The following SLC2A9 variants were observed in gnomAD, a reference collection of about 807,000 sequenced individuals.
SLC2A9 encodes solute carrier family 2 member 9, also known as solute carrier family 2, facilitated glucose transporter member 9.
SLC2A9 carries 39 observed loss-of-function variants against 50.6 expected under a neutral mutation model. The observed-to-expected ratio is 0.77, with a 90% CI of 0.60 to 1.01. The LOEUF is 1.01. SLC2A9 is among the 50% of genes least tolerant of loss of function. SLC2A9 has a pLI of 0.00. For missense variants in SLC2A9, 686 were observed against 677.6 expected (o/e 1.01, Z -0.14); for synonymous variants, 324 against 276.9 (o/e 1.17, Z -1.69).
At chr4:9,771,067 T>C (rs1406176164), downstream of SLC2A9, 1 of 155,714 alleles carries the variant, frequency 6.4e-6, no homozygotes, top group Non-Finnish European at 1.4e-5. Context: ...CAAGGAGCTC[T>C]GAGTCCTTTT....
At chr4:9,952,118 C>T (rs1750401064) in intron 5 of SLC2A9, among the ~76,000 whole-genome samples, 1 of 152,246 alleles carries the variant, frequency 6.6e-6, no homozygotes, top group Non-Finnish European at 1.5e-5. Flanking sequence ...CTTCACCCCT[C>T]TACTCCTCAG....
At chr4:9,852,602 C>A (rs1730145275) in intron 10 of SLC2A9, among the ~76,000 whole-genome samples, 1 of 152,174 alleles carries the variant, frequency 6.6e-6, no homozygotes, top group South Asian at 2.1e-4. Context: ...TGTAGCCAGT[C>A]AAACTAAGCT....
At chr4:9,961,274 C>A (rs1305110482) in intron 5 of SLC2A9, among the ~76,000 whole-genome samples, 1 of 152,012 alleles carries the variant, frequency 6.6e-6, no homozygotes, top group Non-Finnish European at 1.5e-5. Flanking sequence ...CAATCCTAAG[C>A]AAAAATAACA....
chr4:9,845,265 G>A lies in SLC2A9; in HGVS notation c.1292-10257C>T, dbSNP rs112593795. ...CCTGACCTCGTGATCCGCCTGCCTC[G>A]GCCCCCCAAAGTGCTGAGATTACAG... On this transcript the variant is annotated intron_variant, in intron 10 of 11. Transcript: ENST00000264784. Among the ~76,000 whole-genome samples, 925 of 151,722 alleles carry A rather than the reference G, an allele frequency of 6.1e-3. 9 individuals carry two copies. The highest frequency in any genetic ancestry group is 0.021 in the African/African-American group (873 of 41,344).
chr4:9,963,452 C>T (rs1386545301), intron 5 of SLC2A9, among the ~76,000 whole-genome samples: 1 of 152,186 alleles, frequency 6.6e-6, no homozygotes, highest in African/African-American at 2.4e-5. Context: ...GCTACAGACC[C>T]CACGGTCAGC....
intron 2 of SLC2A9, among the ~76,000 whole-genome samples, chr4:10,011,125 C>G (rs758716130): frequency 2.0e-5 from 3 of 152,202 alleles, no homozygotes; most frequent in Non-Finnish European, 4.4e-5. Flanking sequence ...GGACTGAAGT[C>G]TGGGCTCCAT....
Position 9,849,007 on chromosome 4 carries a change from T to A in SLC2A9, c.1292-13999A>T, listed in dbSNP as rs143072807. Among the ~76,000 whole-genome samples the A allele has an allele frequency of 7.4e-4, 112 of 152,268 alleles. No individual in the cohort carries two copies. The Middle Eastern group carries it at 0.02, about 28-fold the overall frequency. ...GTGAGCCACCGTGCCTGGCCAGAAA[T>A]TCTTTATGCAGTTGAGGAGATGGAG... On this transcript the variant is annotated intron_variant, in intron 10 of 11. Transcript: ENST00000264784.
chr4:9,833,642 C>A (rs1326667918), intron 11 of SLC2A9, among the ~76,000 whole-genome samples: 4 of 152,298 alleles, frequency 2.6e-5, no homozygotes, highest in South Asian at 2.1e-4. Context: ...TGGAGTGCCG[C>A]AAATACTGAC....
intron 10 of SLC2A9, among the ~76,000 whole-genome samples, chr4:9,840,963 T>C (rs1252327752): frequency 6.6e-6 from 1 of 152,110 alleles, no homozygotes; most frequent in African/African-American, 2.4e-5. Flanking sequence ...AACCATTAGA[T>C]CTTGTGAGAA....
At chr4:9,834,678 G>A (rs1337701539) in intron 11 of SLC2A9, among the ~76,000 whole-genome samples, 2 of 152,300 alleles carry the variant, frequency 1.3e-5, no homozygotes, top group South Asian at 2.1e-4. Context: ...AGAGCCCACA[G>A]CATTTAGGGA....
upstream of SLC2A9, among the ~76,000 whole-genome samples, chr4:10,024,650 G>C (rs969974118): frequency 1.3e-5 from 2 of 152,174 alleles, no homozygotes; most frequent in Admixed American, 6.5e-5. Context: ...CAAACCCACA[G>C]TGTCCTAAGC....
chr4:9,901,159 G>T (rs1258095734), intron 8 of SLC2A9, among the ~76,000 whole-genome samples: 1 of 152,146 alleles, frequency 6.6e-6, no homozygotes, highest in South Asian at 2.1e-4. Context: ...CAGGGGTTTG[G>T]GTTGGGAGCC....
chr4:9,963,629 G>C lies in SLC2A9; in HGVS notation c.681+16963C>G, dbSNP rs1184868885. On this transcript the variant is annotated intron_variant, in intron 5 of 11. Coordinates refer to ENST00000264784, the MANE Select transcript of SLC2A9 (RefSeq NM_020041.3). ...TGATTCTAGTGGCTGGCAGGAGAGA[G>C]GGCCTCTCAAGAGGCCCCTGCTCGC... Among the ~76,000 whole-genome samples the C allele has an allele frequency of 3.3e-5, 5 of 152,280 alleles. No individual in the cohort carries two copies. In the South Asian group the frequency reaches 8.3e-4, roughly 25 times the overall value.
chr4:9,843,653 A>G (rs1281877584), intron 10 of SLC2A9, among the ~76,000 whole-genome samples: 1 of 152,220 alleles, frequency 6.6e-6, no homozygotes, highest in East Asian at 1.9e-4. Context: ...CTGTAAAGCA[A>G]GGACAATGGA....
At chr4:9,795,527 G>A (rs1720490464), downstream of SLC2A9, among the ~76,000 whole-genome samples, 1 of 152,170 alleles carries the variant, frequency 6.6e-6, no homozygotes, top group South Asian at 2.1e-4. Flanking sequence ...AGTCTCATAA[G>A]AGCCCCTGGT....
intron 3 of SLC2A9, among the ~76,000 whole-genome samples, chr4:9,803,853 C>T (rs980946056): frequency 6.6e-6 from 1 of 152,178 alleles, no homozygotes; most frequent in African/African-American, 2.4e-5. Flanking sequence ...TTATTAAATA[C>T]CTCCTATGTG....
intron 10 of SLC2A9, among the ~76,000 whole-genome samples, chr4:9,885,115 A>G (rs1380669397): frequency 6.6e-6 from 1 of 152,160 alleles, no homozygotes; most frequent in Non-Finnish European, 1.5e-5. Context: ...GCAAACCACC[A>G]TGGCACACAT....
intron 10 of SLC2A9, among the ~76,000 whole-genome samples, chr4:9,843,657 C>A (rs1446696009): frequency 1.3e-5 from 2 of 152,154 alleles, no homozygotes; most frequent in African/African-American, 4.8e-5. Context: ...AAAGCAAGGA[C>A]AATGGAATTG....
At chr4:9,801,013 C>T (rs1423455235) in intron 3 of SLC2A9, among the ~76,000 whole-genome samples, 1 of 152,244 alleles carries the variant, frequency 6.6e-6, no homozygotes, top group Non-Finnish European at 1.5e-5. Flanking sequence ...TACCATGACA[C>T]CAGCAGAAGT....
Sources: gnomAD v4.1 joint callset for allele counts (sites outside exome capture counted in the v4.1 genomes callset) on GRCh38, gnomAD v4.1.1 for gene constraint, MANE v1.5 for transcripts, NCBI Gene and HGNC (gene_info 2026-07-23, HGNC 2026-07-21) for gene names.